Variants in GRID1 observed in about 807,000 individuals in gnomAD.
GRID1 encodes glutamate receptor ionotropic, delta-1.
Under a neutral mutation model 98.0 loss-of-function variants are expected in GRID1, and 28 were observed. The observed-to-expected ratio is 0.29, with a 90% CI of 0.21 to 0.39. The LOEUF (loss-of-function observed/expected upper bound fraction) is 0.39. Ranked by LOEUF, GRID1 falls within the 10% of genes least tolerant of loss-of-function variation. GRID1 has a pLI of 1.00. For synonymous variants in GRID1, 553 were observed against 538.5 expected (o/e 1.03, Z -0.37); for missense variants, 1,111 against 1,340.5 (o/e 0.83, Z 2.67).
At chr10:85,737,686 T>TA (rs1841899685) in intron 8 of GRID1, among the ~76,000 whole-genome samples, 1 of 95,564 alleles carries the variant, frequency 1.0e-5, no homozygotes, top group African/African-American at 3.7e-5. Flanking sequence ...ACATATATGG[T>TA]TATATATATA....
intron 12 of GRID1, among the ~76,000 whole-genome samples, chr10:85,708,186 C>T (rs1390229846): frequency 8.0e-5 from 12 of 150,246 alleles, no homozygotes; most frequent in Non-Finnish European, 1.0e-4. Flanking sequence ...GGGCGGATCA[C>T]GAGGTCAGGA....
chr10:86,261,091 C>A (rs1466130664), intron 2 of GRID1, among the ~76,000 whole-genome samples: 1 of 152,220 alleles, frequency 6.6e-6, no homozygotes, highest in Non-Finnish European at 1.5e-5. Flanking sequence ...AGGGCTGGGG[C>A]CCCTGTAGCA....
At chr10:86,323,429 A>C (rs1435512886) in intron 2 of GRID1, among the ~76,000 whole-genome samples, 3 of 152,272 alleles carry the variant, frequency 2.0e-5, no homozygotes, top group Non-Finnish European at 2.9e-5. Context: ...AGTCAATGAA[A>C]CAATATCTCC....
intron 5 of GRID1, among the ~76,000 whole-genome samples, chr10:85,887,369 C>T (rs754557800): frequency 7.2e-5 from 11 of 152,274 alleles, no homozygotes; most frequent in Non-Finnish European, 1.6e-4. Flanking sequence ...TTAGCTGCCC[C>T]CTAAAAACTT....
intron 4 of GRID1, among the ~76,000 whole-genome samples, chr10:86,102,259 G>A (rs1044094060): frequency 1.1e-4 from 17 of 152,256 alleles, no homozygotes; most frequent in African/African-American, 3.9e-4. Flanking sequence ...AGGAAGGCAG[G>A]TCAGGAGGCT....
chr10:86,218,153 C>T (rs1233884096), intron 2 of GRID1, among the ~76,000 whole-genome samples: 1 of 151,696 alleles, frequency 6.6e-6, no homozygotes. Flanking sequence ...GAGTCTTGGT[C>T]CTGTGTGTGT....
At chr10:86,330,103 A>C (rs1215915722) in intron 2 of GRID1, among the ~76,000 whole-genome samples, 1 of 151,864 alleles carries the variant, frequency 6.6e-6, no homozygotes, top group South Asian at 2.1e-4. Context: ...TGTATCATGG[A>C]CGAGACCGTG....
At chr10:85,770,912 T>C (rs1842258304) in intron 8 of GRID1, among the ~76,000 whole-genome samples, 2 of 152,158 alleles carry the variant, frequency 1.3e-5, no homozygotes, top group Admixed American at 1.3e-4. Flanking sequence ...CAGGGTATTA[T>C]CCAGGAGAAC....
At chr10:85,913,165 G>A (rs1841564926) in intron 5 of GRID1, among the ~76,000 whole-genome samples, 1 of 152,164 alleles carries the variant, frequency 6.6e-6, no homozygotes. Flanking sequence ...CCAAAGGCCA[G>A]CCCAAGAGTA....
Position 85,636,940 on chromosome 10 carries a change from T to C in GRID1, c.2193+10262A>G, listed in dbSNP as rs74947345. On this transcript the variant is annotated intron_variant, in intron 13 of 15. Transcript: ENST00000327946. ...AACTGAAAAACATTAGGCATAAAGA[T>C]GTTCATTACAATGTTATTTATAACT... 4.7e-3 allele frequency among the ~76,000 whole-genome samples: 719 copies of C among 152,302 alleles called. 8 individuals are homozygous for C. The highest frequency in any genetic ancestry group is 0.017 in the African/African-American group (687 of 41,574).
At chr10:86,103,424 C>T (rs1019342091) in intron 4 of GRID1, among the ~76,000 whole-genome samples, 3 of 152,218 alleles carry the variant, frequency 2.0e-5, no homozygotes, top group Non-Finnish European at 2.9e-5. Context: ...CCCTGCCACC[C>T]TCTCAGCCTC....
intron 3 of GRID1, among the ~76,000 whole-genome samples, chr10:86,149,777 A>C (rs1352751549): frequency 6.6e-6 from 1 of 152,190 alleles, no homozygotes; most frequent in Admixed American, 6.5e-5. Context: ...TTCTTCACCA[A>C]CTTCTGTTCC....
At chr10:85,959,260 A>G (rs974064469) in intron 4 of GRID1, among the ~76,000 whole-genome samples, 1 of 152,310 alleles carries the variant, frequency 6.6e-6, no homozygotes, top group African/African-American at 2.4e-5. Context: ...GACTGATGCA[A>G]CACTTCTCAA....
In GRID1 at chr10:86,213,988, A is replaced by G. The variant is rs1018714569; in HGVS notation, c.236-7340T>C. On this transcript the variant is annotated intron_variant, in intron 2 of 15. Coordinates refer to ENST00000327946, the MANE Select transcript of GRID1 (RefSeq NM_017551.3). The stretch of plus-strand genomic sequence containing the variant: ...ATCTTGAGCCTGTCGACTTTCCTCC[A>G]CTCCACTGCCATCACCTTGGGCCAG... 2.0e-5 allele frequency among the ~76,000 whole-genome samples: 3 copies of G among 151,330 alleles called. No individual in the cohort carries two copies. In the East Asian group the frequency reaches 5.8e-4, roughly 29 times the overall value.
At chr10:86,109,731 G>A in intron 4 of GRID1, among the ~76,000 whole-genome samples, 1 of 152,110 alleles carries the variant, frequency 6.6e-6, no homozygotes, top group Non-Finnish European at 1.5e-5. Flanking sequence ...TGGGATCTGG[G>A]CCTTGATCCT....
In GRID1 at chr10:86,197,555, C is replaced by T. The variant is rs114848531; in HGVS notation, c.520+8809G>A. On this transcript the variant is annotated intron_variant, in intron 3 of 15. Coordinates refer to ENST00000327946, the MANE Select transcript of GRID1 (RefSeq NM_017551.3). ...GGCAGGAGGGGGATATCAACAGGAGCCCGCATCGGTCCTGCAAGGGCACAA... is the reference window on the plus strand; with the variant it reads ...GGCAGGAGGGGGATATCAACAGGAGTCCGCATCGGTCCTGCAAGGGCACAA... Among the ~76,000 whole-genome samples the T allele has an allele frequency of 2.3e-3, 357 of 152,180 alleles. 2 individuals are homozygous for T. Among genetic ancestry groups the T allele is most frequent in the African/African-American group, 7.7e-3 (318 of 41,522 alleles).
chr10:85,896,318 T>A (rs1917143), intron 5 of GRID1, among the ~76,000 whole-genome samples: 50,038 of 152,046 alleles, frequency 0.33, 9,525 homozygotes, highest in African/African-American at 0.53. Flanking sequence ...TTTGACCCTT[T>A]AAGGACAAAA....
intron 4 of GRID1, among the ~76,000 whole-genome samples, chr10:86,033,607 G>T (rs1286491675): frequency 6.6e-6 from 1 of 152,192 alleles, no homozygotes; most frequent in Non-Finnish European, 1.5e-5. Flanking sequence ...GGAACATCCA[G>T]ACAGAAAGGA....
chr10:86,023,250 A>G (rs1843074201), intron 4 of GRID1, among the ~76,000 whole-genome samples: 1 of 152,170 alleles, frequency 6.6e-6, no homozygotes, highest in African/African-American at 2.4e-5. Context: ...ATGTCCCAAG[A>G]AAGACTGAGA....
Sources: gnomAD v4.1 joint callset for allele counts (sites outside exome capture counted in the v4.1 genomes callset) on GRCh38, gnomAD v4.1.1 for gene constraint, MANE v1.5 for transcripts, NCBI Gene and HGNC (gene_info 2026-07-23, HGNC 2026-07-21) for gene names.